DDAH1: variants seen among roughly 807,000 people sequenced by gnomAD.
DDAH1 encodes N(G),N(G)-dimethylarginine dimethylaminohydrolase 1.
A neutral mutation model predicts 28.8 loss-of-function variants in DDAH1; 19 were observed. That is an observed-to-expected ratio of 0.66 (90% CI 0.46 to 0.97). The LOEUF is 0.97. Among genes scored for constraint, DDAH1 ranks in the 50% least tolerant of loss-of-function variants. The pLI, the probability that DDAH1 is intolerant of heterozygous loss-of-function variation, is 0.00. For synonymous variants in DDAH1, 153 were observed against 154.4 expected, an observed-to-expected ratio of 0.99 and a Z score of 0.07; for missense variants, 326 against 375.9, an observed-to-expected ratio of 0.87 and a Z score of 1.10.
intron 1 of DDAH1, among the ~76,000 whole-genome samples, chr1:85,362,862 A>T (rs1649864868): frequency 6.6e-6 from 1 of 152,214 alleles, no homozygotes; most frequent in South Asian, 2.1e-4. Flanking sequence ...AAAGATAAAA[A>T]ATACAATTTT....
chr1:85,339,831 C>G (rs1172299804), intron 4 of DDAH1, among the ~76,000 whole-genome samples: 3 of 152,154 alleles, frequency 2.0e-5, no homozygotes, highest in Non-Finnish European at 4.4e-5. Context: ...ACCCAAAACT[C>G]AAAACCCTCC....
At chr1:85,493,554 T>G (rs1466597956) in intron 2 of DDAH1, 1 of 152,202 alleles carries the variant, frequency 6.6e-6, no homozygotes. Context: ...GCTCCAATAT[T>G]GAACAAACAT....
chr1:85,404,005 A>C (rs1434186996), intron 1 of DDAH1, among the ~76,000 whole-genome samples: 2 of 152,224 alleles, frequency 1.3e-5, no homozygotes, highest in Non-Finnish European at 2.9e-5. Flanking sequence ...GTACAAAACA[A>C]TTTCTATATC....
chr1:85,438,149 A>C (rs1239084052), intron 1 of DDAH1, among the ~76,000 whole-genome samples: 2 of 152,176 alleles, frequency 1.3e-5, no homozygotes, highest in African/African-American at 4.8e-5. Context: ...GGATGCAAAA[A>C]GGGCAACAAC....
chr1:85,501,900 G>A (rs892466498), intron 1 of DDAH1, among the ~76,000 whole-genome samples: 2 of 151,998 alleles, frequency 1.3e-5, no homozygotes, highest in South Asian at 2.1e-4. Context: ...AATTCTCCCT[G>A]GTTTTTAGAA....
chr1:85,494,507 T>C (rs1656513433), intron 2 of DDAH1: 1 of 152,220 alleles, frequency 6.6e-6, no homozygotes, highest in African/African-American at 2.4e-5. Flanking sequence ...ATCACACTCC[T>C]GCTTCTCCTC....
At chr1:85,419,089 T>C (rs12123745) in intron 1 of DDAH1, among the ~76,000 whole-genome samples, 23,978 of 152,130 alleles carry the variant, frequency 0.16, 2,294 homozygotes, top group Admixed American at 0.22. Context: ...GAAAAACAAG[T>C]TGATGCATGA....
Position 85,324,747 on chromosome 1 carries a change from C to T in DDAH1, c.734G>A (p.Ser245Asn), listed in dbSNP as rs773846313. The T allele has an allele frequency of 6.2e-7, 1 of 1,614,138 alleles. No homozygotes were observed. Among genetic ancestry groups the T allele is most frequent in the African/African-American group, 1.3e-5 (1 of 75,026 alleles). The change falls in exon 5 of 6, where the codon AGT (serine) becomes AAT (asparagine). Residue 245 changes from serine to asparagine, a missense_variant. By Grantham distance (46) the Ser-to-Asn change is conservative. Coordinates refer to ENST00000284031, the MANE Select transcript of DDAH1 (RefSeq NM_012137.4). Reference sequence around the variant, plus strand: ...GAAGGGATATTTTTTTACCTTTGCACTTTCTGGATACTCTTCCGGGGTTCG... The same window carrying T: ...GAAGGGATATTTTTTTACCTTTGCATTTTCTGGATACTCTTCCGGGGTTCG... ...LHRTPEEYPE[S>N]AKVYEKLKDH...
intron 1 of DDAH1, among the ~76,000 whole-genome samples, chr1:85,442,569 G>T (rs1403555827): frequency 6.6e-6 from 1 of 152,144 alleles, no homozygotes; most frequent in Non-Finnish European, 1.5e-5. Flanking sequence ...GGGTCAAATG[G>T]TATTTCTAGT....
chr1:85,475,940 C>A (rs1044830511), intron 2 of DDAH1, among the ~76,000 whole-genome samples: 28 of 152,230 alleles, frequency 1.8e-4, no homozygotes, highest in Non-Finnish European at 2.9e-5. Flanking sequence ...CAACCTCTAC[C>A]TCCCAGGTTC....
chr1:85,429,788 T>G (rs1653582423), intron 1 of DDAH1, among the ~76,000 whole-genome samples: 1 of 152,246 alleles, frequency 6.6e-6, no homozygotes, highest in African/African-American at 2.4e-5. Context: ...CATATGTGTG[T>G]TGGTCACATA....
intron 1 of DDAH1, among the ~76,000 whole-genome samples, chr1:85,362,818 T>C (rs1649862873): frequency 6.6e-6 from 1 of 152,224 alleles, no homozygotes; most frequent in African/African-American, 2.4e-5. Context: ...CTCAGTCCTT[T>C]GTTTGGATTT....
At chr1:85,349,224 C>G (rs544930015) in intron 4 of DDAH1, among the ~76,000 whole-genome samples, 1 of 152,186 alleles carries the variant, frequency 6.6e-6, no homozygotes, top group Admixed American at 6.5e-5. Flanking sequence ...AATTCTGAGA[C>G]AGATTGTTCA....
intron 2 of DDAH1, among the ~76,000 whole-genome samples, chr1:85,358,542 A>T (rs988128839): frequency 5.3e-5 from 8 of 152,128 alleles, no homozygotes; most frequent in Admixed American, 3.3e-4. Flanking sequence ...CCAACTACTC[A>T]GGAGGCTGAG....
At position 85,375,034 on chromosome 1, in the gene DDAH1, T is replaced by G. The variant is rs1247398877; in HGVS notation, c.304-16187A>C. Among the ~76,000 whole-genome samples, 6 of 152,074 alleles carry G rather than the reference T, an allele frequency of 3.9e-5. No individual in the cohort carries two copies. In the East Asian group the frequency reaches 1.2e-3, roughly 29 times the overall value. ...ATTTAAAGAAATACTCAAGGATCAA[T>G]TAGGATAGGTGTTAAAATTTGAGGA... On this transcript the variant is annotated intron_variant, in intron 1 of 5. Transcript: ENST00000284031.
At chr1:85,330,418 C>T (rs1647688032) in intron 4 of DDAH1, among the ~76,000 whole-genome samples, 1 of 152,046 alleles carries the variant, frequency 6.6e-6, no homozygotes, top group Non-Finnish European at 1.5e-5. Flanking sequence ...AACATTTTTT[C>T]CTAAAAAAGC....
chr1:85,324,299 T>TAATAATAAA (rs1363681922), intron 5 of DDAH1, among the ~76,000 whole-genome samples: 3 of 143,298 alleles, frequency 2.1e-5, no homozygotes, highest in African/African-American at 7.6e-5. Flanking sequence ...ATAATAATAA[T>TAATAATAAA]AAATAAAAAA....
At chr1:85,513,488 A>G (rs1321992134) in intron 1 of DDAH1, among the ~76,000 whole-genome samples, 1 of 152,232 alleles carries the variant, frequency 6.6e-6, no homozygotes, top group Non-Finnish European at 1.5e-5. Flanking sequence ...AACAAAAGCC[A>G]AAATTGACAA....
intron 1 of DDAH1, among the ~76,000 whole-genome samples, chr1:85,558,466 G>T (rs995851641): frequency 5.9e-5 from 9 of 152,164 alleles, no homozygotes; most frequent in African/African-American, 2.2e-4. Flanking sequence ...CCATTAGGTG[G>T]GATGCCTATC....
Sources: gnomAD v4.1 joint callset for allele counts (sites outside exome capture counted in the v4.1 genomes callset) on GRCh38, gnomAD v4.1.1 for gene constraint, MANE v1.5 for transcripts, NCBI Gene and HGNC (gene_info 2026-07-23, HGNC 2026-07-21) for gene names.